ARHGEF7: variants seen among roughly 807,000 people sequenced by gnomAD.
ARHGEF7 encodes the protein Rho guanine nucleotide exchange factor 7.
ARHGEF7 carries 33 observed loss-of-function variants against 109.8 expected under a neutral mutation model. The observed-to-expected ratio is 0.30, with a 90% CI of 0.23 to 0.40. ARHGEF7 has a LOEUF of 0.40. Among genes scored for constraint, ARHGEF7 ranks in the 10% least tolerant of loss-of-function variants. ARHGEF7 has a pLI of 1.00. For synonymous variants in ARHGEF7, 458 were observed against 424.6 expected, an observed-to-expected ratio of 1.08 and a Z score of -0.97; for missense variants, 938 against 1,098.5, an observed-to-expected ratio of 0.85 and a Z score of 2.07.
intron 1 of ARHGEF7, among the ~76,000 whole-genome samples, chr13:111,118,474 G>A (rs960876767): frequency 3.3e-5 from 5 of 152,112 alleles, no homozygotes; most frequent in Non-Finnish European, 5.9e-5. Context: ...GAGGAAAATG[G>A]GATTAAAAAG....
At chr13:111,127,592 A>C (rs2067654533) in intron 1 of ARHGEF7, among the ~76,000 whole-genome samples, 1 of 141,372 alleles carries the variant, frequency 7.1e-6, no homozygotes, top group Admixed American at 7.4e-5. Context: ...GGCTGCAGCG[A>C]GCCGTGATCA....
chr13:111,205,648 CT>C (rs1443570408), intron 3 of ARHGEF7, among the ~76,000 whole-genome samples: 4 of 151,998 alleles, frequency 2.6e-5, no homozygotes, highest in Non-Finnish European at 5.9e-5. Flanking sequence ...GTGTCTAGTT[CT>C]TATGGGAAGG....
chr13:111,154,075 T>C (rs1413967982), intron 2 of ARHGEF7, 84 bp downstream of exon 2: 5 of 1,309,412 alleles, frequency 3.8e-6, no homozygotes, highest in Non-Finnish European at 5.1e-6. Flanking sequence ...CAGCCGGACC[T>C]CCTGCCTCCT....
chr13:111,272,781 C>T lies in ARHGEF7; in HGVS notation c.1074-1033C>T, dbSNP rs1449886309. On this transcript the variant is annotated intron_variant, in intron 9 of 21. Coordinates refer to ENST00000646102, the MANE Select transcript of ARHGEF7 (RefSeq NM_001354046.2). The surrounding 1 kb of genome is among the most constrained non-coding windows in gnomAD (Gnocchi z 5.2). ...CTGTCAGATGTGTGGACTGATGGCA[C>T]ATGCAATTTGAGGGACAGCAGACCC... Among the ~76,000 whole-genome samples, 1 of 152,114 alleles carries T rather than the reference C, an allele frequency of 6.6e-6. No individual in the cohort carries two copies. The highest frequency in any genetic ancestry group is 1.5e-5 in the Non-Finnish European group (1 of 68,020).
intron 19 of ARHGEF7, among the ~76,000 whole-genome samples, chr13:111,300,019 C>T (rs2093528039): frequency 6.6e-6 from 1 of 152,198 alleles, no homozygotes. Context: ...TTCTCCCTTG[C>T]ATCATTAAAT....
chr13:111,151,776 T>C (rs1312195298), intron 1 of ARHGEF7, among the ~76,000 whole-genome samples: 3 of 152,176 alleles, frequency 2.0e-5, no homozygotes, highest in African/African-American at 4.8e-5. Context: ...AGCACTACGT[T>C]TGGGGGCCAT....
At chr13:111,214,074 C>T (rs2082822890) in intron 4 of ARHGEF7, among the ~76,000 whole-genome samples, 1 of 152,220 alleles carries the variant, frequency 6.6e-6, no homozygotes, top group Non-Finnish European at 1.5e-5. Flanking sequence ...GGATCTGAAA[C>T]AGCTGCCTGC....
At chr13:111,237,361 A>G (rs1379244434) in intron 6 of ARHGEF7, among the ~76,000 whole-genome samples, 1 of 152,256 alleles carries the variant, frequency 6.6e-6, no homozygotes, top group Non-Finnish European at 1.5e-5. Context: ...AAAAATTTTA[A>G]TAGGCATATT....
intron 1 of ARHGEF7, among the ~76,000 whole-genome samples, chr13:111,133,805 ATATAT>A (rs2074940748): frequency 3.3e-5 from 1 of 30,732 alleles, no homozygotes; most frequent in East Asian, 8.9e-4. Context: ...ATATATATAT[ATATAT>A]ATATTTATTA....
intron 9 of ARHGEF7, among the ~76,000 whole-genome samples, chr13:111,268,538 T>C (rs1319464039): frequency 6.6e-6 from 1 of 152,236 alleles, no homozygotes; most frequent in Non-Finnish European, 1.5e-5. Flanking sequence ...ACATTTCCAC[T>C]GAAAGCCTCG....
At chr13:111,264,480 G>A (rs771046302) in intron 8 of ARHGEF7, among the ~76,000 whole-genome samples, 1 of 152,226 alleles carries the variant, frequency 6.6e-6, no homozygotes, top group South Asian at 2.1e-4. Context: ...ATATGTCACC[G>A]CCACCGACAG....
chr13:111,210,175 G>T (rs2082324301), intron 4 of ARHGEF7, among the ~76,000 whole-genome samples, 173 bp downstream of exon 4: 1 of 152,178 alleles, frequency 6.6e-6, no homozygotes, highest in African/African-American at 2.4e-5. Context: ...ATTACCAGAT[G>T]ATCCAGATAT....
rs377535714 is a variant in ARHGEF7, at chr13:111,133,729, T to C, written c.165+18038T>C. On this transcript the variant is annotated intron_variant, in intron 1 of 21. Coordinates refer to ENST00000646102, the MANE Select transcript of ARHGEF7 (RefSeq NM_001354046.2). The stretch of plus-strand genomic sequence containing the variant: ...ACCACCCCCAGAGTTCCTGATTTCG[T>C]AGGACTGGGATGGGGCAGAGAATCT... Among the ~76,000 whole-genome samples, 14 of 142,236 alleles carry C rather than the reference T, an allele frequency of 9.8e-5. 1 individual carries two copies. The East Asian group carries it at 1.5e-3, about 15-fold the overall frequency. 93.3% of individuals were successfully genotyped at this position (142,236 alleles called of 152,430 possible).
rs771526499 is a variant in ARHGEF7, at chr13:111,292,247, A to G, written c.2264A>G (p.Tyr755Cys). ...TCAGACCTCTCGGAAGACTCTGACTATGACAGTATATGGACAGCCCATAGT... is the reference window on the plus strand; with the variant it reads ...TCAGACCTCTCGGAAGACTCTGACTGTGACAGTATATGGACAGCCCATAGT... ...EPSDLSEDSDYDSIWTAHSYR... is the reference protein window; with the variant it reads ...EPSDLSEDSDCDSIWTAHSYR... Residue 755 changes from tyrosine to cysteine, a missense_variant, in exon 19 of 22, where the codon TAT becomes TGT. Transcript: ENST00000646102. The G allele has an allele frequency of 4.3e-6, 7 of 1,614,106 alleles. No homozygotes were observed. The highest frequency in any genetic ancestry group is 2.7e-5 in the African/African-American group (2 of 74,936).
chr13:111,161,880 C>T (rs941825160), intron 2 of ARHGEF7, among the ~76,000 whole-genome samples: 12 of 152,222 alleles, frequency 7.9e-5, no homozygotes, highest in Non-Finnish European at 4.4e-5. Flanking sequence ...TATTTTACTA[C>T]TGATTTTAAT....
At chr13:111,274,036 C>T (rs2153597100) in intron 10 of ARHGEF7, 84 bp downstream of exon 10, 1 of 1,486,446 alleles carries the variant, frequency 6.7e-7, no homozygotes, top group East Asian at 2.3e-5. Flanking sequence ...AAGTATTATT[C>T]ATGATTTATT....
At chr13:111,206,918 C>A (rs1039471044) in intron 3 of ARHGEF7, among the ~76,000 whole-genome samples, 1 of 144,710 alleles carries the variant, frequency 6.9e-6, no homozygotes, top group Non-Finnish European at 1.5e-5. Flanking sequence ...GCCGAGATCG[C>A]GCCACTGCAC....
rs946584490 is a variant in ARHGEF7 at position 111,266,579 on chromosome 13, T to A, written c.951-969T>A. On this transcript the variant is annotated intron_variant, in intron 8 of 21. Transcript: ENST00000646102. This position sits in a 1 kb window ranked among gnomAD's most constrained non-coding sequence, Gnocchi z 4.8. ...TTAGGCAAATGTATTTGTCCTTTCATGCCTTCTTATAATTAAGGTTGGCAC... is the reference window on the plus strand; with the variant it reads ...TTAGGCAAATGTATTTGTCCTTTCAAGCCTTCTTATAATTAAGGTTGGCAC... Among the ~76,000 whole-genome samples the A allele has an allele frequency of 6.6e-6, 1 of 152,244 alleles. No individual in the cohort carries two copies. Among genetic ancestry groups the A allele is most frequent in the African/African-American group, 2.4e-5 (1 of 41,462 alleles).
intron 2 of ARHGEF7, among the ~76,000 whole-genome samples, chr13:111,162,587 G>T (rs1345764203): frequency 1.3e-5 from 2 of 152,182 alleles, no homozygotes; most frequent in Non-Finnish European, 2.9e-5. Flanking sequence ...GTTCAGGTGG[G>T]CAGTCCAGCA....
Sources: allele counts gnomAD v4.1 joint callset (sites outside exome capture counted in the v4.1 genomes callset), GRCh38; gene constraint gnomAD v4.1.1; non-coding constraint Gnocchi (gnomAD v3.1); transcripts MANE v1.5; gene names NCBI Gene and HGNC (gene_info 2026-07-23, HGNC 2026-07-21).